Variants in CSMD1 observed in about 807,000 individuals in gnomAD.
The protein encoded by CSMD1 is CUB and sushi domain-containing protein 1.
In CSMD1, 213 loss-of-function variants were observed where a neutral mutation model predicts 417.5. The ratio of observed to expected loss-of-function variants is 0.51; its 90% confidence interval spans 0.46 to 0.57. CSMD1 has a LOEUF of 0.57. Ranked by LOEUF, CSMD1 falls within the 20% of genes least tolerant of loss-of-function variation. The pLI, the probability that CSMD1 is intolerant of heterozygous loss-of-function variation, is 0.00. For synonymous variants in CSMD1, 2,862 were observed against 1,736.8 expected (o/e 1.65, Z -16.11); for missense variants, 6,923 against 4,529.7 (o/e 1.53, Z -15.17).
At chr8:3,104,653 T>C (rs1585359266) in intron 46 of CSMD1, among the ~76,000 whole-genome samples, 1 of 152,220 alleles carries the variant, frequency 6.6e-6, no homozygotes, top group Non-Finnish European at 1.5e-5. Context: ...GTGCCTGGAA[T>C]CCTGCCTCAT....
At chr8:3,861,064 T>A (rs898006886) in intron 5 of CSMD1, among the ~76,000 whole-genome samples, 1 of 152,202 alleles carries the variant, frequency 6.6e-6, no homozygotes, top group Non-Finnish European at 1.5e-5. Flanking sequence ...CCCCTCCTTT[T>A]TCAGTATCAG....
chr8:4,033,400 C>T (rs549723282), intron 3 of CSMD1, among the ~76,000 whole-genome samples: 5 of 152,156 alleles, frequency 3.3e-5, no homozygotes, highest in African/African-American at 9.6e-5. Context: ...CGAGATCGCA[C>T]CACTGCACTC....
rs753792048 is a variant in CSMD1, at chr8:4,664,994, G to A, written c.86-27436C>T. Among the ~76,000 whole-genome samples, 10 of 152,134 alleles carry A rather than the reference G, an allele frequency of 6.6e-5. No individual in the cohort carries two copies. In the South Asian group the frequency reaches 2.1e-3, roughly 32 times the overall value. ...TGAAAAAGGAAAATAATATCTCATCGTGTTCTTCATTTTATTATTACCAAA... is the reference window on the plus strand; with the variant it reads ...TGAAAAAGGAAAATAATATCTCATCATGTTCTTCATTTTATTATTACCAAA... On this transcript the variant is annotated intron_variant, in intron 1 of 69. Transcript: ENST00000635120.
At chr8:3,469,903 C>T (rs193191660) in intron 11 of CSMD1, among the ~76,000 whole-genome samples, 10 of 152,180 alleles carry the variant, frequency 6.6e-5, no homozygotes, top group Non-Finnish European at 1.2e-4. Context: ...GATTTGTCTT[C>T]GTTGGCAACA....
intron 54 of CSMD1, among the ~76,000 whole-genome samples, chr8:2,980,747 G>A (rs150883830): frequency 3.3e-5 from 5 of 152,262 alleles, no homozygotes; most frequent in South Asian, 2.1e-4. Flanking sequence ...AAAGAGGTGC[G>A]CAGGAGACAA....
At chr8:4,962,845 G>T (rs1401301842) in intron 1 of CSMD1, among the ~76,000 whole-genome samples, 2 of 152,134 alleles carry the variant, frequency 1.3e-5, no homozygotes, top group Non-Finnish European at 2.9e-5. Context: ...CCTCTTTTGT[G>T]CTTGGTGTCC....
chr8:3,096,151 T>C (rs1399604932), intron 47 of CSMD1, among the ~76,000 whole-genome samples: 1 of 152,184 alleles, frequency 6.6e-6, no homozygotes, highest in Non-Finnish European at 1.5e-5. Flanking sequence ...TAAATCACTG[T>C]GTTAAAAAAA....
chr8:4,117,023 T>G lies in CSMD1; in HGVS notation c.416-84924A>C, dbSNP rs114558277. Among the ~76,000 whole-genome samples the G allele has an allele frequency of 8.6e-3, 1,315 of 152,088 alleles. 14 individuals carry two copies. The highest frequency in any genetic ancestry group is 0.03 in the African/African-American group (1,240 of 41,538). ...GATGGCCTGACGCTTAACCTTTTTT[T>G]TTCTTTTCGCAGTTTGGAAACTGTC... is the stretch of plus-strand genomic sequence containing the variant. On this transcript the variant is annotated intron_variant, in intron 3 of 69. Transcript: ENST00000635120.
intron 2 of CSMD1, among the ~76,000 whole-genome samples, chr8:4,421,975 G>C (rs1257700275): frequency 2.6e-5 from 4 of 151,936 alleles, no homozygotes; most frequent in African/African-American, 9.7e-5. Context: ...ATATTACTAT[G>C]AACTCAGAAT....
chr8:4,343,372 A>T (rs1563075136), intron 3 of CSMD1, among the ~76,000 whole-genome samples: 1 of 152,072 alleles, frequency 6.6e-6, no homozygotes. Flanking sequence ...GACTGAATTT[A>T]ATATTCTCTT....
chr8:4,722,562 A>G (rs912116680), intron 1 of CSMD1, among the ~76,000 whole-genome samples: 4 of 152,146 alleles, frequency 2.6e-5, no homozygotes, highest in African/African-American at 7.2e-5. Flanking sequence ...CAAATGCATC[A>G]GATAGTTAGG....
At chr8:4,301,822 A>G (rs566194313) in intron 3 of CSMD1, among the ~76,000 whole-genome samples, 2 of 152,310 alleles carry the variant, frequency 1.3e-5, no homozygotes, top group South Asian at 4.1e-4. Flanking sequence ...TGTCCCCATA[A>G]ACTTTTCAGA....
intron 6 of CSMD1, among the ~76,000 whole-genome samples, chr8:3,737,946 T>G (rs1165567563): frequency 1.3e-5 from 2 of 152,174 alleles, no homozygotes; most frequent in African/African-American, 4.8e-5. Context: ...CAAGGGAAAT[T>G]CTTAAAAGAA....
At chr8:4,029,207 G>A (rs984359730) in intron 4 of CSMD1, among the ~76,000 whole-genome samples, 2 of 152,202 alleles carry the variant, frequency 1.3e-5, no homozygotes, top group East Asian at 1.9e-4. Context: ...GAGAGGTGAT[G>A]AAAATAGGCA....
chr8:4,453,226 C>G (rs911857148), intron 2 of CSMD1, among the ~76,000 whole-genome samples: 14 of 131,066 alleles, frequency 1.1e-4, no homozygotes, highest in Admixed American at 4.4e-4. Flanking sequence ...GACACACACA[C>G]ACACACACAC....
intron 5 of CSMD1, among the ~76,000 whole-genome samples, chr8:3,884,058 G>C (rs946391533): frequency 4.6e-5 from 7 of 152,132 alleles, no homozygotes; most frequent in Non-Finnish European, 1.0e-4. Context: ...TTCTCTATCA[G>C]TGTTTCAAAA....
intron 1 of CSMD1, among the ~76,000 whole-genome samples, chr8:4,767,608 C>T (rs73177555): frequency 0.02 from 2,997 of 152,266 alleles, 50 homozygotes; most frequent in Non-Finnish European, 0.031. Flanking sequence ...TCCCTAGGAC[C>T]TGCGACCTGC....
chr8:3,268,812 TG>T (rs1261665872), intron 26 of CSMD1, among the ~76,000 whole-genome samples: 1 of 152,124 alleles, frequency 6.6e-6, no homozygotes, highest in Admixed American at 6.5e-5. Flanking sequence ...CCCAGGGTCC[TG>T]GGGGACAGTG....
chr8:4,286,464 AT>A (rs1373165935), intron 3 of CSMD1, among the ~76,000 whole-genome samples: 15 of 152,144 alleles, frequency 9.9e-5, no homozygotes, highest in African/African-American at 3.6e-4. Flanking sequence ...TGAATTACCC[AT>A]TGTGCCTCTT....
Sources: gnomAD v4.1 joint callset for allele counts (sites outside exome capture counted in the v4.1 genomes callset) on GRCh38, gnomAD v4.1.1 for gene constraint, MANE v1.5 for transcripts, NCBI Gene and HGNC (gene_info 2026-07-23, HGNC 2026-07-21) for gene names.